The following LRRD1 variants were observed in gnomAD, a reference collection of about 807,000 sequenced individuals.
LRRD1 encodes leucine-rich repeat and death domain-containing protein 1.
LRRD1 carries 49 observed loss-of-function variants against 69.5 expected under a neutral mutation model. The observed-to-expected ratio is 0.70, with a 90% CI of 0.56 to 0.89. The LOEUF is 0.89. LRRD1 is among the 40% of genes least tolerant of loss of function. LRRD1 has a pLI of 0.00. For synonymous variants in LRRD1, 303 were observed against 338.9 expected, an observed-to-expected ratio of 0.89 and a Z score of 1.16; for missense variants, 853 against 956.0, an observed-to-expected ratio of 0.89 and a Z score of 1.42.
chr7:92,143,360 C>T (rs543932904), downstream of LRRD1, among the ~76,000 whole-genome samples: 1 of 152,266 alleles, frequency 6.6e-6, no homozygotes, highest in Non-Finnish European at 1.5e-5. Context: ...AATCCCGCAC[C>T]GTGTGCCCGC....
intron 1 of LRRD1, among the ~76,000 whole-genome samples, chr7:92,177,546 A>G (rs1471023515): frequency 1.3e-5 from 2 of 151,644 alleles, no homozygotes; most frequent in Non-Finnish European, 2.9e-5. Context: ...TCTGTGGAGA[A>G]GACAGGCAGA....
At position 92,163,489 on chromosome 7, in the gene LRRD1, G is replaced by A. The variant is rs1377276186; in HGVS notation, c.1714C>T (p.Pro572Ser). The change falls in exon 2 of 6, where the codon CCT becomes TCT. Residue 572 changes from proline to serine, a missense_variant. By Grantham distance (74) the Pro-to-Ser change is moderately conservative. Transcript: ENST00000458448. ...TTTTCTAAAGTACACAATTCTCTAG[G>A]GAAAGTTTCAAATTTATTACAGCAT... Reference protein sequence around the residue: ...ILCCNKFETFPRELCTLENLQ... With the variant: ...ILCCNKFETFSRELCTLENLQ... 5.2e-6 allele frequency: 8 copies of A among 1,527,274 alleles called. No homozygotes were observed. The highest frequency in any genetic ancestry group is 6.2e-6 in the Non-Finnish European group (7 of 1,137,948). 94.6% of individuals were successfully genotyped at this position (1,527,274 alleles called of 1,614,324 possible).
At chr7:92,169,635 G>A (rs368265240) in intron 1 of LRRD1, among the ~76,000 whole-genome samples, 1 of 152,060 alleles carries the variant, frequency 6.6e-6, no homozygotes, top group Non-Finnish European at 1.5e-5. Context: ...GGGCGACAGA[G>A]AGAGATTTCG....
chr7:92,156,161 A>T (rs1345340778), intron 3 of LRRD1, among the ~76,000 whole-genome samples: 1 of 152,188 alleles, frequency 6.6e-6, no homozygotes, highest in Non-Finnish European at 1.5e-5. Flanking sequence ...TGTCCCATTG[A>T]TCCTTATGTC....
chr7:92,160,825 A>AAAAAC (rs1423064744), intron 2 of LRRD1, among the ~76,000 whole-genome samples: 40 of 152,296 alleles, frequency 2.6e-4, no homozygotes, highest in African/African-American at 8.9e-4. Context: ...AAACAAAAAC[A>AAAAAC]AAAACAAAGA....
intron 1 of LRRD1, among the ~76,000 whole-genome samples, chr7:92,174,499 ATATATATATATTTTTTT>A (rs1284693048): frequency 1.1e-4 from 2 of 18,778 alleles, no homozygotes; most frequent in South Asian, 1.8e-3. Flanking sequence ...ATATATATAT[ATATATATATATTTTTTT>A]TTTTTTTTTT....
chr7:92,178,697 T>TACATACAA (rs1178033526), intron 1 of LRRD1, among the ~76,000 whole-genome samples: 3 of 152,280 alleles, frequency 2.0e-5, no homozygotes, highest in African/African-American at 7.2e-5. Context: ...CATACATACA[T>TACATACAA]ACATACAAAT....
At position 92,163,955 on chromosome 7, in the gene LRRD1, C is replaced by T. The variant is rs1384005357; in HGVS notation, c.1248G>A (p.Lys416=). The T allele has an allele frequency of 5.9e-6, 9 of 1,537,164 alleles. No individual in the cohort carries two copies. The South Asian group carries it at 7.3e-5, about 13-fold the overall frequency. The change falls in exon 2 of 6, where the codon AAG becomes AAA. Residue 416 remains lysine, a synonymous_variant. Transcript: ENST00000458448. ...KLTELPKYIH[K]LNNLRKLHVN... ...CATGGAGTTTTCTTAAATTGTTAAG[C>T]TTATGGATGTACTTAGGGAGTTCTG...
At chr7:92,153,402 A>G (rs1788569098) in intron 3 of LRRD1, among the ~76,000 whole-genome samples, 1 of 151,630 alleles carries the variant, frequency 6.6e-6, no homozygotes, top group Non-Finnish European at 1.5e-5. Flanking sequence ...CTTCTTAGTA[A>G]ATTATCTGTT....
In LRRD1 at chr7:92,176,881, G is replaced by A. The variant is rs1789209473; in HGVS notation, c.-75+2126C>T. ...CCTGGCCACATTAATAGATTATTAAGCATGAGGCATTTCTTGGATAAGTCA... is the reference window on the plus strand; with the variant it reads ...CCTGGCCACATTAATAGATTATTAAACATGAGGCATTTCTTGGATAAGTCA... On this transcript the variant is annotated intron_variant, in intron 1 of 5. Coordinates refer to ENST00000458448, the MANE Select transcript of LRRD1 (RefSeq NM_001161528.2). Among the ~76,000 whole-genome samples the A allele has an allele frequency of 2.0e-5, 3 of 150,780 alleles. No individual in the cohort carries two copies. The South Asian group carries it at 6.3e-4, about 32-fold the overall frequency.
intron 3 of LRRD1, among the ~76,000 whole-genome samples, chr7:92,155,276 G>C (rs1342144980): frequency 6.6e-6 from 1 of 152,180 alleles, no homozygotes; most frequent in Non-Finnish European, 1.5e-5. Context: ...TGATAACTGA[G>C]ACTGCTACTA....
intron 3 of LRRD1, among the ~76,000 whole-genome samples, chr7:92,151,125 G>T (rs996648629): frequency 6.6e-6 from 1 of 152,060 alleles, no homozygotes; most frequent in African/African-American, 2.4e-5. Context: ...ACCAGTATTG[G>T]TATGTTACTA....
chr7:92,145,090 A>C lies in LRRD1; in HGVS notation c.2397-16T>G. The C allele has an allele frequency of 8.1e-7, 1 of 1,230,634 alleles. No homozygotes were observed. Among genetic ancestry groups the C allele is most frequent in the Non-Finnish European group, 1.1e-6 (1 of 931,564 alleles). 76.2% of individuals were successfully genotyped at this position (1,230,634 alleles called of 1,614,324 possible). On this transcript the variant is annotated splice_polypyrimidine_tract_variant and intron_variant, in intron 5 of 5. Coordinates refer to ENST00000458448, the MANE Select transcript of LRRD1 (RefSeq NM_001161528.2). ...TGAAACAGTGCTGAAAAACATTATT[A>C]ATAATATTAATAGTTAAATATTTAT...
chr7:92,157,743 T>C (rs1788698104), intron 3 of LRRD1, among the ~76,000 whole-genome samples: 1 of 134,774 alleles, frequency 7.4e-6, no homozygotes, highest in Non-Finnish European at 1.6e-5. Flanking sequence ...ACCTGACTAA[T>C]TTTTTTTTTT....
intron 1 of LRRD1, among the ~76,000 whole-genome samples, chr7:92,169,009 C>T (rs999416746): frequency 3.9e-5 from 6 of 152,176 alleles, no homozygotes; most frequent in Admixed American, 6.5e-5. Context: ...ACCTCTGCCT[C>T]CTGGGTTCAA....
At chr7:92,166,371 G>C (rs1439499686) in intron 1 of LRRD1, among the ~76,000 whole-genome samples, 1 of 152,160 alleles carries the variant, frequency 6.6e-6, no homozygotes, top group East Asian at 1.9e-4. Context: ...AAACTGGCAT[G>C]GTTTCAGTAT....
chr7:92,148,713 G>A (rs911478573), intron 4 of LRRD1, among the ~76,000 whole-genome samples: 8 of 152,130 alleles, frequency 5.3e-5, no homozygotes, highest in Non-Finnish European at 7.4e-5. Context: ...AGAAAACCCC[G>A]AAAATCTTTA....
chr7:92,150,614 A>C lies in LRRD1; in HGVS notation c.2198T>G (p.Leu733Arg). The C allele has an allele frequency of 1.9e-6, 3 of 1,551,384 alleles. No individual in the cohort carries two copies. In the South Asian group the frequency reaches 3.6e-5, roughly 18 times the overall value. Residue 733 changes from leucine to arginine, a missense_variant, in exon 4 of 6, where the codon CTG becomes CGG. By Grantham distance (102) the Leu-to-Arg change is moderately radical. This residue lies in a region of LRRD1 where 739 missense variants were observed against 808.0 expected (regional missense o/e 0.91). Transcript: ENST00000458448. ...TTTACAGATTTCCACTGGAGGTCTC[A>C]GCAAAGGGTTGTCATCAAAATTTAT... ...KEINFDDNPL[L>R]RPPVEICKGK...
chr7:92,157,393 G>A (rs1398749698), intron 3 of LRRD1, among the ~76,000 whole-genome samples: 1 of 151,948 alleles, frequency 6.6e-6, no homozygotes, highest in Non-Finnish European at 1.5e-5. Flanking sequence ...ATTTTGCATC[G>A]ATGTTCAAGC....
Sources: gnomAD v4.1 joint callset for allele counts (sites outside exome capture counted in the v4.1 genomes callset) on GRCh38, gnomAD v4.1.1 for gene constraint, gnomAD v4.1.1 regional missense constraint, MANE v1.5 for transcripts, NCBI Gene and HGNC (gene_info 2026-07-23, HGNC 2026-07-21) for gene names.